Variants in EYS observed in about 807,000 individuals in gnomAD.
EYS encodes protein eyes shut homolog.
Under a neutral mutation model 282.1 loss-of-function variants are expected in EYS, and 250 were observed. The ratio of observed to expected loss-of-function variants is 0.89; its 90% CI spans 0.80 to 0.98. The LOEUF (loss-of-function observed/expected upper bound fraction) is 0.98, where lower values mean the gene tolerates loss of function less well. Ranked by LOEUF, EYS falls within the 50% of genes least tolerant of loss-of-function variation. EYS has a pLI of 0.00. For synonymous variants in EYS, 1,355 were observed against 1,282.9 expected (o/e 1.06, Z -1.20); for missense variants, 4,016 against 3,709.0 (o/e 1.08, Z -2.15).
rs767689898 is a variant in EYS, at chr6:64,387,564, T to C, written c.6078+1126A>G. 4.6e-5 allele frequency among the ~76,000 whole-genome samples: 7 copies of C among 152,162 alleles called. No individual in the cohort carries two copies. The South Asian group carries it at 8.3e-4, about 18-fold the overall frequency. On this transcript the variant is annotated intron_variant, in intron 29 of 42. Transcript: ENST00000503581. ...AACTGAGGCCTTTATTTAAAAGCTG[T>C]TCATTGAACTCCAACAATGTGACAG... is the stretch of plus-strand genomic sequence containing the variant.
At chr6:65,095,912 C>G (rs1020867627) in intron 12 of EYS, among the ~76,000 whole-genome samples, 4 of 150,932 alleles carry the variant, frequency 2.7e-5, no homozygotes, top group African/African-American at 9.7e-5. Flanking sequence ...ACTCTCACAA[C>G]TTCCATTCAA....
At chr6:64,313,196 A>G (rs1005572546) in intron 29 of EYS, among the ~76,000 whole-genome samples, 4 of 152,210 alleles carry the variant, frequency 2.6e-5, no homozygotes, top group African/African-American at 9.6e-5. Context: ...AAATGACCTG[A>G]TGGAGCTGAA....
In EYS at chr6:65,537,256, T is replaced by C. The variant is rs555213221; in HGVS notation, c.-332-41263A>G. Reference sequence around the variant, plus strand: ...AGAAATACCTAATGTAGATGATGGGTTGATGGGTGCAGCAAACCAACATGG... The same window carrying C: ...AGAAATACCTAATGTAGATGATGGGCTGATGGGTGCAGCAAACCAACATGG... On this transcript the variant is annotated intron_variant, in intron 2 of 42. Transcript: ENST00000503581. 3.3e-5 allele frequency among the ~76,000 whole-genome samples: 5 copies of C among 152,178 alleles called. No individual in the cohort carries two copies. The South Asian group carries it at 6.2e-4, about 19-fold the overall frequency.
intron 26 of EYS, among the ~76,000 whole-genome samples, chr6:64,467,414 G>A (rs1775960268): frequency 1.3e-5 from 2 of 152,138 alleles, no homozygotes; most frequent in African/African-American, 2.4e-5. Context: ...GATCTAGCAA[G>A]TCCAATTGTA....
At chr6:64,576,466 A>G (rs1043475749) in intron 26 of EYS, among the ~76,000 whole-genome samples, 1 of 152,034 alleles carries the variant, frequency 6.6e-6, no homozygotes, top group Non-Finnish European at 1.5e-5. Context: ...TTTAAAAATA[A>G]CATCTGTCCA....
At chr6:65,292,332 C>A (rs1768549375) in intron 12 of EYS, among the ~76,000 whole-genome samples, 1 of 151,634 alleles carries the variant, frequency 6.6e-6, no homozygotes. Context: ...TCCATGAGGT[C>A]TTAACAGAAT....
At chr6:64,440,846 CA>C (rs1308851587) in intron 26 of EYS, among the ~76,000 whole-genome samples, 1 of 151,902 alleles carries the variant, frequency 6.6e-6, no homozygotes, top group East Asian at 1.9e-4. Flanking sequence ...AGGGGGTCTT[CA>C]AAAAGTTCAC....
chr6:65,420,712 A>G (rs1767421725), intron 5 of EYS, among the ~76,000 whole-genome samples: 1 of 151,930 alleles, frequency 6.6e-6, no homozygotes, highest in African/African-American at 2.4e-5. Context: ...GCATTTCTTA[A>G]ATAAAAAGAC....
Position 64,590,650 on chromosome 6 carries a change from T to G in EYS, c.5217A>C (p.Pro1739=). 6.4e-7 allele frequency: 1 copy of G among 1,551,298 alleles called. No homozygotes were observed. Among genetic ancestry groups the G allele is most frequent in the Non-Finnish European group, 8.7e-7 (1 of 1,146,738 alleles). The stretch of plus-strand genomic sequence containing the variant: ...ACTCAAAATCCAGAGAACTATCACT[T>G]GGGTGAAGTTTGAACAGTGTATGAG... The part of the protein sequence containing the change: ...KGSHTLFKLH[P]SDSSLDFELN... The change falls in exon 26 of 43, where the codon CCA becomes CCC. Residue 1739 remains proline, a synonymous_variant. Coordinates refer to ENST00000503581, the MANE Select transcript of EYS (RefSeq NM_001142800.2).
At chr6:65,433,142 C>T (rs929621876) in intron 5 of EYS, among the ~76,000 whole-genome samples, 3 of 151,954 alleles carry the variant, frequency 2.0e-5, no homozygotes, top group Non-Finnish European at 4.4e-5. Context: ...GTCTATTGAG[C>T]CTTTTCAGGT....
At chr6:65,409,165 G>A (rs1280454118) in intron 5 of EYS, among the ~76,000 whole-genome samples, 1 of 152,140 alleles carries the variant, frequency 6.6e-6, no homozygotes, top group Non-Finnish European at 1.5e-5. Context: ...GTTGTACAGT[G>A]AGGTTTGGCA....
At chr6:64,247,727 ATAATT>A (rs1767064810) in intron 30 of EYS, among the ~76,000 whole-genome samples, 1 of 152,180 alleles carries the variant, frequency 6.6e-6, no homozygotes, top group Admixed American at 6.5e-5. Flanking sequence ...ATGTACTAAT[ATAATT>A]TAATTCTCAC....
chr6:64,921,749 T>C (rs1768352589), intron 15 of EYS, among the ~76,000 whole-genome samples: 1 of 151,980 alleles, frequency 6.6e-6, no homozygotes, highest in Non-Finnish European at 1.5e-5. Context: ...ACAAAGAAAA[T>C]TAGAAACAGA....
In EYS at chr6:64,997,454, C is replaced by A. The variant is rs915341428; in HGVS notation, c.2259+128G>T. 7 of 825,418 alleles carry A rather than the reference C, an allele frequency of 8.5e-6. No homozygotes were observed. In the East Asian group the frequency reaches 1.5e-4, roughly 17 times the overall value. 51.1% of individuals were successfully genotyped at this position (825,418 alleles called of 1,614,324 possible). On this transcript the variant is annotated intron_variant, in intron 14 of 42. Transcript: ENST00000503581. ...GTTGCTTGAGTTTCTGTTTTCTAACCTTGAGAAGTAAGCATATGTAATATA... is the reference window on the plus strand; with the variant it reads ...GTTGCTTGAGTTTCTGTTTTCTAACATTGAGAAGTAAGCATATGTAATATA...
chr6:65,477,665 A>T (rs1276288464), intron 5 of EYS, among the ~76,000 whole-genome samples: 1 of 152,184 alleles, frequency 6.6e-6, no homozygotes, highest in Admixed American at 6.5e-5. Context: ...TTTTAAAACA[A>T]AGAAAGCAAT....
At chr6:65,274,831 C>T (rs915428536) in intron 12 of EYS, among the ~76,000 whole-genome samples, 1 of 151,566 alleles carries the variant, frequency 6.6e-6, no homozygotes, top group Non-Finnish European at 1.5e-5. Flanking sequence ...TCTAGGGGTC[C>T]ATAGGTCCTG....
chr6:64,293,530 G>T (rs1028714336), intron 30 of EYS, among the ~76,000 whole-genome samples: 1 of 152,038 alleles, frequency 6.6e-6, no homozygotes, highest in Admixed American at 6.6e-5. Context: ...GGATGGCAGG[G>T]TAACATAACA....
intron 26 of EYS, among the ~76,000 whole-genome samples, chr6:64,554,321 A>C (rs2149807677): frequency 6.6e-6 from 1 of 152,258 alleles, no homozygotes; most frequent in East Asian, 1.9e-4. Context: ...AAATGCTGAT[A>C]GTATTCCAAT....
intron 31 of EYS, among the ~76,000 whole-genome samples, chr6:64,103,437 A>G (rs1281501280): frequency 1.3e-5 from 2 of 152,158 alleles, no homozygotes. Flanking sequence ...TCAATTAACT[A>G]CTTCAGGCAG....
Sources: allele counts gnomAD v4.1 joint callset (sites outside exome capture counted in the v4.1 genomes callset), GRCh38; gene constraint gnomAD v4.1.1; transcripts MANE v1.5; gene names NCBI Gene and HGNC (gene_info 2026-07-23, HGNC 2026-07-21).